The following OSBPL11 variants were observed in gnomAD, a reference collection of about 807,000 sequenced individuals.
OSBPL11 encodes the protein oxysterol binding protein like 11, also known as oxysterol-binding protein-related protein 11.
OSBPL11 carries 33 observed loss-of-function variants against 84.4 expected under a neutral mutation model. The observed-to-expected ratio is 0.39, with a 90% CI of 0.30 to 0.52. The LOEUF is 0.52. Among genes scored for constraint, OSBPL11 ranks in the 20% least tolerant of loss-of-function variants. OSBPL11 has a pLI of 0.72. For missense variants in OSBPL11, 736 were observed against 901.1 expected (o/e 0.82, Z 2.35); for synonymous variants, 276 against 310.2 (o/e 0.89, Z 1.16).
intron 9 of OSBPL11, among the ~76,000 whole-genome samples, chr3:125,551,918 G>C (rs534307362): frequency 6.6e-6 from 1 of 151,990 alleles, no homozygotes; most frequent in South Asian, 2.1e-4. Context: ...AAATTGGAGC[G>C]AAAAAGTAAC....
At chr3:125,585,575 T>C (rs1342332989) in intron 1 of OSBPL11, among the ~76,000 whole-genome samples, 1 of 151,404 alleles carries the variant, frequency 6.6e-6, no homozygotes, top group Non-Finnish European at 1.5e-5. Context: ...ATTGACATGG[T>C]TTATTTGGTA....
intron 1 of OSBPL11, among the ~76,000 whole-genome samples, chr3:125,585,035 T>G (rs1936485301): frequency 6.6e-6 from 1 of 152,186 alleles, no homozygotes; most frequent in African/African-American, 2.4e-5. Context: ...CCACTTTGGC[T>G]TCCTAAAGTG....
chr3:125,591,821 G>A (rs183915275), intron 1 of OSBPL11, among the ~76,000 whole-genome samples: 26 of 152,158 alleles, frequency 1.7e-4, no homozygotes, highest in African/African-American at 6.0e-4. Context: ...GGGCAACATC[G>A]CAAGATCCTG....
Position 125,567,611 on chromosome 3 carries a change from T to C in OSBPL11, c.667-16A>G. ...GAGACATCATCTAAGGAAAAAACAG[T>C]TCTGTGGGTCCTACTCATGATTTCT... On this transcript the variant is annotated splice_polypyrimidine_tract_variant and intron_variant, in intron 5 of 12. Transcript: ENST00000296220. The C allele has an allele frequency of 6.3e-7, 1 of 1,596,374 alleles. No individual in the cohort carries two copies. The highest frequency in any genetic ancestry group is 8.6e-7 in the Non-Finnish European group (1 of 1,164,152).
intron 6 of OSBPL11, among the ~76,000 whole-genome samples, chr3:125,564,119 C>G (rs547186127): frequency 6.6e-6 from 1 of 152,194 alleles, no homozygotes; most frequent in Non-Finnish European, 1.5e-5. Flanking sequence ...CTGTGAATCA[C>G]GAAGTATATT....
intron 1 of OSBPL11, among the ~76,000 whole-genome samples, chr3:125,593,370 G>A (rs1381629802): frequency 3.3e-5 from 5 of 152,008 alleles, no homozygotes; most frequent in African/African-American, 7.3e-5. Flanking sequence ...CTGTAATCCC[G>A]GCACTTTGGG....
chr3:125,586,170 A>C (rs1936507422), intron 1 of OSBPL11, among the ~76,000 whole-genome samples: 1 of 152,224 alleles, frequency 6.6e-6, no homozygotes, highest in African/African-American at 2.4e-5. Flanking sequence ...TGAAGTGGGA[A>C]CATACCACAT....
intron 10 of OSBPL11, 23 bp from the exon 11 acceptor site, chr3:125,538,656 GAT>G (rs1935678540): frequency 6.3e-7 from 1 of 1,584,722 alleles, no homozygotes; most frequent in Non-Finnish European, 8.6e-7. Flanking sequence ...AGAAAAGAAA[GAT>G]ATGCTCTAAT....
chr3:125,535,457 T>A, intron 11 of OSBPL11, among the ~76,000 whole-genome samples: 1 of 145,780 alleles, frequency 6.9e-6, no homozygotes, highest in Non-Finnish European at 1.5e-5. Context: ...TTTTTTTTTT[T>A]TTTTTTGAGA....
chr3:125,532,318 T>C (rs942201837), intron 11 of OSBPL11, among the ~76,000 whole-genome samples: 5 of 152,086 alleles, frequency 3.3e-5, no homozygotes, highest in African/African-American at 4.8e-5. Context: ...ATTTTCAAAG[T>C]TGAAATGTAA....
At position 125,587,503 on chromosome 3, in the gene OSBPL11, G is replaced by A. The variant is rs375677795; in HGVS notation, c.165-4525C>T. Among the ~76,000 whole-genome samples, 26 of 152,330 alleles carry A rather than the reference G, an allele frequency of 1.7e-4. No homozygotes were observed. The East Asian group carries it at 3.9e-3, about 23-fold the overall frequency. ...CTCAGGAAGTATTACGAAATGGCAA[G>A]AGATGGGCAGGGTCTAAGAGAGATC... On this transcript the variant is annotated intron_variant, in intron 1 of 12. Coordinates refer to ENST00000296220, the MANE Select transcript of OSBPL11 (RefSeq NM_022776.5).
At chr3:125,569,474 G>A (rs34074335) in intron 5 of OSBPL11, among the ~76,000 whole-genome samples, 10,187 of 152,238 alleles carry the variant, frequency 0.067, 464 homozygotes, top group Non-Finnish European at 0.098. Flanking sequence ...CATATATAGT[G>A]TGCTTTGTGT....
chr3:125,563,582 A>G (rs1259921993), intron 7 of OSBPL11, 116 bp downstream of exon 7: 5 of 968,812 alleles, frequency 5.2e-6, no homozygotes, highest in East Asian at 4.9e-5. Flanking sequence ...AGAATCTTCA[A>G]GAGTGTTGCT....
intron 8 of OSBPL11, among the ~76,000 whole-genome samples, chr3:125,558,701 C>T (rs1936029402): frequency 6.6e-6 from 1 of 152,130 alleles, no homozygotes; most frequent in African/African-American, 2.4e-5. Context: ...ACTTGATTGG[C>T]TTTTTAAATT....
chr3:125,555,124 T>C (rs1935973094), intron 8 of OSBPL11, among the ~76,000 whole-genome samples: 1 of 152,188 alleles, frequency 6.6e-6, no homozygotes, highest in African/African-American at 2.4e-5. Context: ...CAGGGGAATA[T>C]GGAAGGACTA....
chr3:125,550,290 G>C (rs1935881237), intron 9 of OSBPL11, among the ~76,000 whole-genome samples: 1 of 151,854 alleles, frequency 6.6e-6, no homozygotes, highest in Non-Finnish European at 1.5e-5. Flanking sequence ...TGGGAGGATG[G>C]CCTGAGCCTG....
At chr3:125,574,588 T>C (rs1053773869) in intron 5 of OSBPL11, among the ~76,000 whole-genome samples, 1 of 151,746 alleles carries the variant, frequency 6.6e-6, no homozygotes, top group Admixed American at 6.6e-5. Flanking sequence ...TTTCTCAAGA[T>C]TGAATAAAAT....
At chr3:125,574,064 C>A (rs6809469) in intron 5 of OSBPL11, among the ~76,000 whole-genome samples, 93 of 151,952 alleles carry the variant, frequency 6.1e-4, no homozygotes, top group African/African-American at 2.2e-3. Flanking sequence ...CTGCAGAGAC[C>A]CCTGTGAGAC....
chr3:125,591,678 A>C (rs1936596578), intron 1 of OSBPL11, among the ~76,000 whole-genome samples: 1 of 152,204 alleles, frequency 6.6e-6, no homozygotes, highest in African/African-American at 2.4e-5. Flanking sequence ...TCCTGACCCA[A>C]AGACACTATG....
Sources: allele counts gnomAD v4.1 joint callset (sites outside exome capture counted in the v4.1 genomes callset), GRCh38; gene constraint gnomAD v4.1.1; transcripts MANE v1.5; gene names NCBI Gene and HGNC (gene_info 2026-07-23, HGNC 2026-07-21).